The following LNX1 variants were observed in gnomAD, a reference collection of about 807,000 sequenced individuals.
LNX1 encodes E3 ubiquitin-protein ligase LNX.
Under a neutral mutation model 68.4 loss-of-function variants are expected in LNX1, and 54 were observed. The observed-to-expected ratio is 0.79, with a 90% confidence interval of 0.63 to 0.99. LNX1 has a LOEUF of 0.99. Ranked by LOEUF, LNX1 falls within the 50% of genes least tolerant of loss-of-function variation. LNX1 has a pLI of 0.00. For missense variants in LNX1, 906 were observed against 926.4 expected (o/e 0.98, Z 0.29); for synonymous variants, 336 against 350.0 (o/e 0.96, Z 0.45).
At chr4:53,626,347 A>G (rs1734074553) in intron 1 of LNX1, among the ~76,000 whole-genome samples, 1 of 152,198 alleles carries the variant, frequency 6.6e-6, no homozygotes, top group Non-Finnish European at 1.5e-5. Flanking sequence ...CATATAATAA[A>G]TATACTACAA....
intron 1 of LNX1, among the ~76,000 whole-genome samples, chr4:53,588,472 C>T (rs1732307367): frequency 6.6e-6 from 1 of 152,096 alleles, no homozygotes. Flanking sequence ...TTTCAAAAAC[C>T]CAGGTAGGCA....
At chr4:53,621,902 TGAA>T (rs1253789938), upstream of LNX1, among the ~76,000 whole-genome samples, 1 of 152,020 alleles carries the variant, frequency 6.6e-6, no homozygotes, top group East Asian at 1.9e-4. Flanking sequence ...CATTAATAAG[TGAA>T]GAAGTTGTAA....
intron 6 of LNX1, among the ~76,000 whole-genome samples, chr4:53,489,080 T>C (rs764209701): frequency 6.6e-6 from 1 of 152,202 alleles, no homozygotes; most frequent in Non-Finnish European, 1.5e-5. Context: ...TATTAATTTG[T>C]TTGCCATTGA....
At chr4:53,535,840 C>T (rs536274829) in intron 2 of LNX1, among the ~76,000 whole-genome samples, 3 of 152,284 alleles carry the variant, frequency 2.0e-5, no homozygotes, top group Non-Finnish European at 2.9e-5. Context: ...ATGAGCATGT[C>T]GGGCTGGGAC....
intron 1 of LNX1, among the ~76,000 whole-genome samples, chr4:53,626,779 G>A (rs1560699135): frequency 7.0e-6 from 1 of 142,854 alleles, no homozygotes; most frequent in African/African-American, 2.5e-5. Context: ...GTTTCTTAAG[G>A]GTTTCAGAAA....
intron 2 of LNX1, among the ~76,000 whole-genome samples, chr4:53,571,723 C>T (rs80087458): frequency 4.0e-4 from 61 of 152,054 alleles, no homozygotes; most frequent in African/African-American, 1.4e-3. Context: ...AGTGCAGTAG[C>T]GCATCACAGC....
intron 1 of LNX1, among the ~76,000 whole-genome samples, chr4:53,649,518 G>A (rs1406379571): frequency 1.3e-5 from 2 of 152,178 alleles, no homozygotes; most frequent in Non-Finnish European, 2.9e-5. Flanking sequence ...CAGCACCACT[G>A]GCTCATCTCC....
At chr4:53,561,991 GTA>G in intron 2 of LNX1, among the ~76,000 whole-genome samples, 1 of 152,208 alleles carries the variant, frequency 6.6e-6, no homozygotes, top group South Asian at 2.1e-4. Context: ...AACAATTCAC[GTA>G]TGTTTTCAAC....
chr4:53,475,820 A>C (rs987162128), intron 9 of LNX1, among the ~76,000 whole-genome samples: 5 of 152,210 alleles, frequency 3.3e-5, no homozygotes, highest in African/African-American at 9.7e-5. Context: ...CGTCACTGTA[A>C]GGCTCTAAAA....
intron 1 of LNX1, among the ~76,000 whole-genome samples, chr4:53,647,531 T>C (rs1341232049): frequency 6.6e-6 from 1 of 152,200 alleles, no homozygotes; most frequent in Non-Finnish European, 1.5e-5. Flanking sequence ...AGAAGAAGTC[T>C]GCTATTTTCC....
chr4:53,503,103 G>A (rs1451400983), intron 4 of LNX1, among the ~76,000 whole-genome samples: 1 of 152,030 alleles, frequency 6.6e-6, no homozygotes, highest in Non-Finnish European at 1.5e-5. Flanking sequence ...TAGTTCTCTT[G>A]CTATTTCCAC....
intron 2 of LNX1, among the ~76,000 whole-genome samples, chr4:53,552,627 G>A (rs1389449268): frequency 9.9e-5 from 15 of 151,966 alleles, no homozygotes; most frequent in Non-Finnish European, 1.9e-4. Flanking sequence ...TCAGGAGTTC[G>A]AGACCAGCCT....
At chr4:53,651,200 T>C (rs1429352606) in intron 1 of LNX1, among the ~76,000 whole-genome samples, 1 of 152,180 alleles carries the variant, frequency 6.6e-6, no homozygotes, top group African/African-American at 2.4e-5. Flanking sequence ...AAATTCCTCC[T>C]GGGGGACTTG....
chr4:53,507,566 G>A, intron 3 of LNX1, 97 bp from the exon 4 acceptor site: 1 of 1,322,330 alleles, frequency 7.6e-7, no homozygotes, highest in Non-Finnish European at 1.1e-6. Context: ...GACATTAACA[G>A]TGACTACCTC....
intron 9 of LNX1, among the ~76,000 whole-genome samples, chr4:53,463,763 C>T (rs2150555145): frequency 6.6e-6 from 1 of 152,056 alleles, no homozygotes; most frequent in African/African-American, 2.4e-5. Context: ...CATTTGATTT[C>T]CACTGAAATG....
intron 9 of LNX1, among the ~76,000 whole-genome samples, chr4:53,467,320 C>T (rs536799345): frequency 6.6e-6 from 1 of 152,118 alleles, no homozygotes; most frequent in African/African-American, 2.4e-5. Context: ...GAAAGGGCAT[C>T]GACACCAAAA....
intron 2 of LNX1, among the ~76,000 whole-genome samples, chr4:53,522,162 A>G (rs1271757020): frequency 2.0e-5 from 3 of 152,108 alleles, no homozygotes; most frequent in African/African-American, 7.2e-5. Context: ...AGTCAGACAC[A>G]TTGACAAACT....
chr4:53,555,055 G>T (rs1729808485), intron 2 of LNX1, among the ~76,000 whole-genome samples: 1 of 152,102 alleles, frequency 6.6e-6, no homozygotes, highest in Admixed American at 6.6e-5. Context: ...GGAATACAGG[G>T]CAAGCTTCCC....
intron 2 of LNX1, among the ~76,000 whole-genome samples, chr4:53,512,496 G>GTT (rs1281845256): frequency 1.4e-4 from 7 of 51,640 alleles, no homozygotes; most frequent in Non-Finnish European, 2.9e-4. Context: ...TTGTGTGTGT[G>GTT]TGTGTGTGTG....
Sources: allele counts gnomAD v4.1 joint callset (sites outside exome capture counted in the v4.1 genomes callset), GRCh38; gene constraint gnomAD v4.1.1; transcripts MANE v1.5; gene names NCBI Gene and HGNC (gene_info 2026-07-23, HGNC 2026-07-21).